Variants in GRHL2 observed in about 807,000 individuals in gnomAD.
GRHL2 encodes grainyhead-like protein 2 homolog.
A neutral mutation model predicts 83.8 loss-of-function variants in GRHL2; 21 were observed. The observed-to-expected ratio is 0.25, with a 90% CI of 0.18 to 0.36. The LOEUF is 0.36. Among genes scored for constraint, GRHL2 ranks in the 10% least tolerant of loss-of-function variants. The pLI, the probability that GRHL2 is intolerant of heterozygous loss-of-function variation, is 1.00. For synonymous variants in GRHL2, 280 were observed against 278.9 expected, an observed-to-expected ratio of 1.00 and a Z score of -0.04; for missense variants, 623 against 781.8, an observed-to-expected ratio of 0.80 and a Z score of 2.42.
At chr8:101,518,314 AGGTAG>A (rs1810613506) in intron 1 of GRHL2, among the ~76,000 whole-genome samples, 1 of 152,144 alleles carries the variant, frequency 6.6e-6, no homozygotes, top group African/African-American at 2.4e-5. Flanking sequence ...TGGGAGGCTG[AGGTAG>A]GAGAATCACT....
chr8:101,497,462 A>G (rs1176813027), intron 1 of GRHL2, among the ~76,000 whole-genome samples: 1 of 152,252 alleles, frequency 6.6e-6, no homozygotes, highest in African/African-American at 2.4e-5. Context: ...ATTTTCAATG[A>G]AGTAAACTGA....
At chr8:101,522,046 T>C (rs903146427) in intron 1 of GRHL2, among the ~76,000 whole-genome samples, 1 of 152,226 alleles carries the variant, frequency 6.6e-6, no homozygotes, top group African/African-American at 2.4e-5. Flanking sequence ...TTTGTAATTT[T>C]GGTTTTGTCC....
chr8:101,636,819 G>A (rs1813296648), intron 11 of GRHL2, 78 bp from the exon 12 acceptor site: 4 of 1,293,566 alleles, frequency 3.1e-6, no homozygotes, highest in African/African-American at 1.5e-5. Flanking sequence ...TTATGCCTTA[G>A]GAAAGTCTGT....
At chr8:101,514,004 T>A (rs963769195) in intron 1 of GRHL2, among the ~76,000 whole-genome samples, 2 of 152,110 alleles carry the variant, frequency 1.3e-5, no homozygotes, top group Non-Finnish European at 2.9e-5. Flanking sequence ...TAAGGCGAAG[T>A]TTCAGCATTT....
In GRHL2 at chr8:101,573,222, T is replaced by A. The variant is rs754262985; in HGVS notation, c.735-446T>A. Among the ~76,000 whole-genome samples, 729 of 149,612 alleles carry A rather than the reference T, an allele frequency of 4.9e-3. 4 individuals are homozygous for A. Among genetic ancestry groups the A allele is most frequent in the Middle Eastern group, 0.014 (4 of 292 alleles). ...TGTTTTATAGTAAGATACAGCTATC[T>A]GTAACACCTTGGTTAGACAAAAAAA... On this transcript the variant is annotated intron_variant, in intron 5 of 15. Transcript: ENST00000646743.
chr8:101,522,250 C>A (rs1245120530), intron 1 of GRHL2, among the ~76,000 whole-genome samples: 2 of 151,742 alleles, frequency 1.3e-5, no homozygotes, highest in Non-Finnish European at 2.9e-5. Flanking sequence ...GTCTAACCAG[C>A]TGTATTTCAA....
chr8:101,510,266 G>A (rs893742555), intron 1 of GRHL2, among the ~76,000 whole-genome samples: 1 of 152,064 alleles, frequency 6.6e-6, no homozygotes, highest in African/African-American at 2.4e-5. Context: ...CAAAGTGGTG[G>A]GATTACAGGC....
chr8:101,505,047 G>C (rs1230532598), intron 1 of GRHL2, among the ~76,000 whole-genome samples: 1 of 151,580 alleles, frequency 6.6e-6, no homozygotes. Context: ...TTTGTAAAAT[G>C]TGAGCAAAAC....
At chr8:101,670,264 G>A (rs117251518), downstream of GRHL2, among the ~76,000 whole-genome samples, 821 of 152,322 alleles carry the variant, frequency 5.4e-3, 4 homozygotes, top group Non-Finnish European at 8.6e-3. Context: ...ACTCTGTGGA[G>A]CCACCCACAC....
chr8:101,508,013 T>C (rs1277017845), intron 1 of GRHL2, among the ~76,000 whole-genome samples: 1 of 152,134 alleles, frequency 6.6e-6, no homozygotes, highest in Non-Finnish European at 1.5e-5. Flanking sequence ...CTCGAACTCC[T>C]GGTCTCAAGA....
intron 4 of GRHL2, among the ~76,000 whole-genome samples, chr8:101,570,020 G>A (rs1188994301): frequency 6.6e-6 from 1 of 152,312 alleles, no homozygotes; most frequent in East Asian, 1.9e-4. Flanking sequence ...TTTGGAATAA[G>A]TGTTGGAGAC....
rs137912492 is a variant in GRHL2 at position 101,667,056 on chromosome 8, A to G, written c.*353A>G. 15 of 354,456 alleles carry G rather than the reference A, an allele frequency of 4.2e-5. No homozygotes were observed. In the East Asian group the frequency reaches 9.0e-4, roughly 21 times the overall value. 22.0% of individuals were successfully genotyped at this position (354,456 alleles called of 1,614,324 possible). ...CCAGCGTTCCCCCTTCAAGAGAAAC[A>G]CTCATCCCGAACAGCCTAAAAAATT... is the stretch of plus-strand genomic sequence containing the variant. On this transcript the variant is annotated 3_prime_UTR_variant, in exon 16 of 16. Transcript: ENST00000646743.
chr8:101,494,333 C>T (rs2129945805), intron 1 of GRHL2, among the ~76,000 whole-genome samples: 1 of 152,304 alleles, frequency 6.6e-6, no homozygotes, highest in East Asian at 1.9e-4. Flanking sequence ...CGCTGTCATA[C>T]TTAAAAAGCA....
intron 12 of GRHL2, among the ~76,000 whole-genome samples, chr8:101,639,260 C>T (rs1342766268): frequency 6.6e-6 from 1 of 152,188 alleles, no homozygotes; most frequent in Non-Finnish European, 1.5e-5. Flanking sequence ...TCTTACACAT[C>T]TCACTAGAGT....
At chr8:101,675,228 G>T in the GRHL2 span, among the ~76,000 whole-genome samples, 1 of 152,138 alleles carries the variant, frequency 6.6e-6, no homozygotes, top group East Asian at 1.9e-4. Flanking sequence ...GCAGAAGAAG[G>T]AAATGAAGGC....
intron 6 of GRHL2, among the ~76,000 whole-genome samples, chr8:101,575,736 T>A (rs1811920780): frequency 6.6e-6 from 1 of 152,220 alleles, no homozygotes; most frequent in African/African-American, 2.4e-5. Context: ...TAAATTTTAT[T>A]TTTATTTTGC....
intron 2 of GRHL2, among the ~76,000 whole-genome samples, chr8:101,547,767 G>A (rs1273007392): frequency 6.6e-6 from 1 of 152,138 alleles, no homozygotes; most frequent in Non-Finnish European, 1.5e-5. Flanking sequence ...AGCTTAATAA[G>A]TTGCTTACTC....
At chr8:101,519,356 C>T (rs1810636123) in intron 1 of GRHL2, among the ~76,000 whole-genome samples, 1 of 151,940 alleles carries the variant, frequency 6.6e-6, no homozygotes, top group Non-Finnish European at 1.5e-5. Context: ...TTTATGTTTA[C>T]ATAGCTATTC....
intron 1 of GRHL2, among the ~76,000 whole-genome samples, chr8:101,504,638 G>T (rs1289202371): frequency 3.4e-5 from 5 of 147,244 alleles, no homozygotes; most frequent in Middle Eastern, 3.5e-3. Context: ...GCAAGGTCGG[G>T]TTTTTTTTTT....
Sources: allele counts gnomAD v4.1 joint callset (sites outside exome capture counted in the v4.1 genomes callset), GRCh38; gene constraint gnomAD v4.1.1; transcripts MANE v1.5; gene names NCBI Gene and HGNC (gene_info 2026-07-23, HGNC 2026-07-21).